NCALD: variants seen among roughly 807,000 people sequenced by gnomAD.
The protein encoded by NCALD is neurocalcin delta.
In NCALD, 10 loss-of-function variants were observed where a neutral mutation model predicts 18.6. That is an observed-to-expected ratio of 0.54 (90% confidence interval 0.33 to 0.91). The LOEUF (loss-of-function observed/expected upper bound fraction) is 0.91. Ranked by LOEUF, NCALD falls within the 40% of genes least tolerant of loss-of-function variation. The pLI, the probability that NCALD is intolerant of heterozygous loss-of-function variation, is 0.03. For synonymous variants in NCALD, 88 were observed against 87.4 expected (o/e 1.01, Z -0.04); for missense variants, 184 against 247.6 (o/e 0.74, Z 1.72).
chr8:101,906,709 A>T (rs975539242), intron 3 of NCALD, among the ~76,000 whole-genome samples: 2 of 152,222 alleles, frequency 1.3e-5, no homozygotes, highest in Admixed American at 1.3e-4. Context: ...TAGTTAAACT[A>T]ACTCAGGACT....
At chr8:102,041,504 T>C (rs925174753) in intron 1 of NCALD, among the ~76,000 whole-genome samples, 2 of 152,194 alleles carry the variant, frequency 1.3e-5, no homozygotes, top group Admixed American at 6.5e-5. Context: ...GACCTGCCTT[T>C]TAAAACTCTG....
Position 102,029,379 on chromosome 8 carries a change from G to A in NCALD, c.-209-9090C>T, listed in dbSNP as rs1822583992. Among the ~76,000 whole-genome samples, 7 of 152,314 alleles carry A rather than the reference G, an allele frequency of 4.6e-5. No homozygotes were observed. In the South Asian group the frequency reaches 1.2e-3, roughly 27 times the overall value. ...GGCCTTGAATGTCAGGCAAAAGACT[G>A]AAAGCCAGAGAATCAGATCTTTTAC... On this transcript the variant is annotated intron_variant, in intron 1 of 6. Coordinates refer to the NCALD transcript ENST00000311028.
chr8:101,750,937 GCTTTT>G, intron 1 of NCALD, among the ~76,000 whole-genome samples: 1 of 152,182 alleles, frequency 6.6e-6, no homozygotes, highest in Non-Finnish European at 1.5e-5. Context: ...AGTCACACTT[GCTTTT>G]AGGGTATATC....
At chr8:101,846,955 T>C (rs907262859) in intron 4 of NCALD, among the ~76,000 whole-genome samples, 2 of 152,214 alleles carry the variant, frequency 1.3e-5, no homozygotes, top group African/African-American at 2.4e-5. Flanking sequence ...CAGTAGAGAC[T>C]GCAGGTTGTC....
At chr8:101,992,125 A>C (rs1402919651) in intron 2 of NCALD, among the ~76,000 whole-genome samples, 1 of 152,198 alleles carries the variant, frequency 6.6e-6, no homozygotes, top group Non-Finnish European at 1.5e-5. Context: ...CATCTGAGCA[A>C]AGAACATGGG....
At chr8:101,833,076 A>C (rs1814253409) in intron 4 of NCALD, among the ~76,000 whole-genome samples, 1 of 152,318 alleles carries the variant, frequency 6.6e-6, no homozygotes, top group Non-Finnish European at 1.5e-5. Context: ...GCTTGCTTTT[A>C]AGGTGTCGCC....
intron 3 of NCALD, among the ~76,000 whole-genome samples, chr8:101,904,869 T>A (rs1354814469): frequency 2.0e-5 from 3 of 152,178 alleles, no homozygotes; most frequent in African/African-American, 7.2e-5. Flanking sequence ...TAGTGCAACA[T>A]CCTGGTGCTC....
Position 101,709,536 on chromosome 8 carries a change from A to G in NCALD, c.378+9716T>C, listed in dbSNP as rs150300532. Among the ~76,000 whole-genome samples, 62 of 152,346 alleles carry G rather than the reference A, an allele frequency of 4.1e-4. 1 individual carries two copies. The East Asian group carries it at 0.011, about 27-fold the overall frequency. ...ACTTTTGAGAACAGAAGGGAGGCAA[A>G]TGTAATTCCATTTTCTTCCTACATT... is the stretch of plus-strand genomic sequence containing the variant. On this transcript the variant is annotated intron_variant, in intron 2 of 3. Coordinates refer to ENST00000220931, the MANE Select transcript of NCALD (RefSeq NM_032041.3).
chr8:102,002,488 G>A (rs561460077), intron 2 of NCALD, among the ~76,000 whole-genome samples: 2 of 152,248 alleles, frequency 1.3e-5, no homozygotes, highest in East Asian at 3.9e-4. Context: ...AGTTAACAAG[G>A]ATATCCAGGA....
At chr8:101,968,312 GAAAAA>G (rs746692104) in intron 2 of NCALD, among the ~76,000 whole-genome samples, 2 of 145,126 alleles carry the variant, frequency 1.4e-5, no homozygotes, top group South Asian at 4.4e-4. Context: ...TTTCTTAAAA[GAAAAA>G]AAAAAATAGA....
At chr8:101,908,225 G>C (rs760676234) in intron 3 of NCALD, among the ~76,000 whole-genome samples, 4 of 152,214 alleles carry the variant, frequency 2.6e-5, no homozygotes, top group Non-Finnish European at 1.5e-5. Flanking sequence ...CATGCCAGGT[G>C]GCTGCAGGAA....
At chr8:101,736,976 T>C (rs959627881) in intron 1 of NCALD, among the ~76,000 whole-genome samples, 1 of 152,182 alleles carries the variant, frequency 6.6e-6, no homozygotes, top group African/African-American at 2.4e-5. Context: ...TTCTCAGTTG[T>C]TTTATTGCTG....
intron 1 of NCALD, among the ~76,000 whole-genome samples, chr8:102,026,929 C>G (rs1036599271): frequency 3.3e-5 from 5 of 152,240 alleles, no homozygotes; most frequent in African/African-American, 1.2e-4. Context: ...TGAAAGCTGC[C>G]AAGGCCTGGG....
intron 1 of NCALD, among the ~76,000 whole-genome samples, chr8:102,066,770 G>A (rs1488374110): frequency 6.6e-6 from 1 of 152,218 alleles, no homozygotes; most frequent in Non-Finnish European, 1.5e-5. Flanking sequence ...ACTAATTTAT[G>A]TTAAATCAAA....
intron 3 of NCALD, among the ~76,000 whole-genome samples, chr8:101,904,524 C>T (rs1031949414): frequency 5.9e-5 from 9 of 152,088 alleles, no homozygotes; most frequent in African/African-American, 2.2e-4. Flanking sequence ...CATCTCACTC[C>T]ATCCCTTCAC....
chr8:101,739,327 T>G (rs1033917945), intron 1 of NCALD, among the ~76,000 whole-genome samples: 2 of 152,236 alleles, frequency 1.3e-5, no homozygotes, highest in Non-Finnish European at 2.9e-5. Flanking sequence ...CATTTTGGGT[T>G]GCCTTAACAC....
At chr8:101,922,814 A>G (rs192494563) in intron 2 of NCALD, among the ~76,000 whole-genome samples, 1 of 152,218 alleles carries the variant, frequency 6.6e-6, no homozygotes, top group South Asian at 2.1e-4. Flanking sequence ...CATACCTATG[A>G]TAAGGTTTAA....
chr8:101,898,061 T>C (rs2131551387), intron 3 of NCALD, among the ~76,000 whole-genome samples: 1 of 152,352 alleles, frequency 6.6e-6, no homozygotes, highest in East Asian at 1.9e-4. Flanking sequence ...AGGACATGTT[T>C]GCTTCCCCTT....
At chr8:102,054,660 C>CAATAGATAGATAGATA (rs59558185) in intron 1 of NCALD, among the ~76,000 whole-genome samples, 45 of 142,406 alleles carry the variant, frequency 3.2e-4, no homozygotes, top group South Asian at 1.2e-3. Flanking sequence ...CTTTCTCTTC[C>CAATAGATAGATAGATA]GATAGATAGA....
Sources: gnomAD v4.1 joint callset for allele counts (sites outside exome capture counted in the v4.1 genomes callset) on GRCh38, gnomAD v4.1.1 for gene constraint, MANE v1.5 for transcripts, NCBI Gene and HGNC (gene_info 2026-07-23, HGNC 2026-07-21) for gene names.